Variants in PARD3B observed in about 807,000 individuals in gnomAD.
PARD3B encodes par-3 family cell polarity regulator beta, also known as partitioning defective 3 homolog B.
Under a neutral mutation model 130.2 loss-of-function variants are expected in PARD3B, and 103 were observed. The ratio of observed to expected loss-of-function variants is 0.79; its 90% CI spans 0.67 to 0.93. PARD3B has a LOEUF of 0.93. Ranked by LOEUF, PARD3B falls within the 40% of genes least tolerant of loss-of-function variation. The pLI, the probability that PARD3B is intolerant of heterozygous loss-of-function variation, is 0.00. For synonymous variants in PARD3B, 583 were observed against 553.2 expected (o/e 1.05, Z -0.76); for missense variants, 1,609 against 1,499.2 (o/e 1.07, Z -1.21).
intron 19 of PARD3B, among the ~76,000 whole-genome samples, chr2:205,428,944 G>C (rs967883313): frequency 6.6e-6 from 1 of 152,124 alleles, no homozygotes; most frequent in Non-Finnish European, 1.5e-5. Context: ...TTGGAGGAAT[G>C]ACTGCTTCCA....
chr2:205,474,366 CATATAAAATATATCAT>C (rs2048953708), intron 20 of PARD3B, among the ~76,000 whole-genome samples: 1 of 152,050 alleles, frequency 6.6e-6, no homozygotes, highest in African/African-American at 2.4e-5. Flanking sequence ...TTTATCACTG[CATATAAAATATATCAT>C]TTGTGCATGC....
chr2:205,348,281 G>C (rs1184749083), intron 18 of PARD3B: 1 of 152,222 alleles, frequency 6.6e-6, no homozygotes, highest in Admixed American at 6.5e-5. Flanking sequence ...CTTGTGCTTA[G>C]AACATTTTCC....
intron 18 of PARD3B, among the ~76,000 whole-genome samples, chr2:205,372,442 C>A (rs1170228152): frequency 6.6e-6 from 1 of 152,044 alleles, no homozygotes; most frequent in Non-Finnish European, 1.5e-5. Context: ...TGAATTTTTT[C>A]TCTTGTGCTC....
chr2:205,473,345 A>G lies in PARD3B; in HGVS notation c.3045-26551A>G, dbSNP rs2048905429. 1.3e-5 allele frequency among the ~76,000 whole-genome samples: 2 copies of G among 152,166 alleles called. No individual in the cohort carries two copies. The highest frequency in any genetic ancestry group is 2.1e-4 in the South Asian group (1 of 4,814). ...TTATGAAAAATATAAACAAACTTAA[A>G]ATTCTATTTATGATTCAGACAACCA... On this transcript the variant is annotated intron_variant, in intron 20 of 22. Transcript: ENST00000406610. This position sits in a 1 kb window ranked among gnomAD's most constrained non-coding sequence, Gnocchi z 4.9.
intron 22 of PARD3B, among the ~76,000 whole-genome samples, chr2:205,603,044 A>T (rs983461219): frequency 1.3e-5 from 2 of 152,190 alleles, no homozygotes; most frequent in Admixed American, 1.3e-4. Flanking sequence ...CATCCCAGAA[A>T]TTCTGCTGTG....
At position 205,182,550 on chromosome 2, in the gene PARD3B, C is replaced by T. The variant is rs929254656; in HGVS notation, c.1925-3214C>T. ...AAGAGGAACACGAGGAGAAAGTTAT[C>T]TACAGTCTAGTAAAAGAAATAGACA... On this transcript the variant is annotated intron_variant, in intron 13 of 22. Transcript: ENST00000406610. Among the ~76,000 whole-genome samples the T allele has an allele frequency of 5.3e-5, 8 of 152,108 alleles. No individual in the cohort carries two copies. The South Asian group carries it at 1.7e-3, about 32-fold the overall frequency.
chr2:204,694,231 A>G (rs2037503235), intron 2 of PARD3B, among the ~76,000 whole-genome samples: 1 of 152,058 alleles, frequency 6.6e-6, no homozygotes, highest in African/African-American at 2.4e-5. Flanking sequence ...CCCAGTCAAC[A>G]TTTGTAAATC....
chr2:204,985,614 C>T (rs1347518236), intron 3 of PARD3B, among the ~76,000 whole-genome samples: 3 of 152,130 alleles, frequency 2.0e-5, no homozygotes, highest in Non-Finnish European at 4.4e-5. Context: ...CATCTGCCGC[C>T]CTGACTTCTT....
intron 2 of PARD3B, among the ~76,000 whole-genome samples, chr2:204,961,410 G>T (rs1025818421): frequency 6.6e-6 from 1 of 152,130 alleles, no homozygotes; most frequent in African/African-American, 2.4e-5. Flanking sequence ...GCTACAAGGT[G>T]TTTGGCCTGA....
rs909191596 is a variant in PARD3B, at chr2:205,280,518, G to A, written c.2186-20012G>A. Among the ~76,000 whole-genome samples, 1 of 152,154 alleles carries A rather than the reference G, an allele frequency of 6.6e-6. No individual in the cohort carries two copies. The highest frequency in any genetic ancestry group is 1.5e-5 in the Non-Finnish European group (1 of 68,014). On this transcript the variant is annotated intron_variant, in intron 16 of 22. Coordinates refer to ENST00000406610, the MANE Select transcript of PARD3B (RefSeq NM_001302769.2). This position sits in a 1 kb window ranked among gnomAD's most constrained non-coding sequence, Gnocchi z 4.7. ...AAAGGAACTATTGAAAACCTTTTCTGTTTCCTTCTCTTTTTTCTTAAGGGA... is the reference window on the plus strand; with the variant it reads ...AAAGGAACTATTGAAAACCTTTTCTATTTCCTTCTCTTTTTTCTTAAGGGA...
chr2:204,555,664 A>G (rs2030872497), intron 1 of PARD3B, among the ~76,000 whole-genome samples: 1 of 151,794 alleles, frequency 6.6e-6, no homozygotes, highest in South Asian at 2.1e-4. Flanking sequence ...CCTATATTTG[A>G]CCTCTCTGAC....
intron 10 of PARD3B, among the ~76,000 whole-genome samples, chr2:205,135,069 G>A (rs150312181): frequency 2.6e-5 from 4 of 152,124 alleles, no homozygotes; most frequent in African/African-American, 7.2e-5. Context: ...TGGCGACTGT[G>A]GCTATGATTA....
intron 13 of PARD3B, among the ~76,000 whole-genome samples, chr2:205,182,572 G>A (rs2035854911): frequency 6.6e-6 from 1 of 152,028 alleles, no homozygotes. Flanking sequence ...AAAAGAAATA[G>A]ACATAGATAA....
chr2:204,856,228 AAT>A (rs1196522225), intron 2 of PARD3B, among the ~76,000 whole-genome samples: 1 of 152,126 alleles, frequency 6.6e-6, no homozygotes, highest in Non-Finnish European at 1.5e-5. Context: ...TCTTTTTTGT[AAT>A]AGTCATTCTA....
intron 21 of PARD3B, among the ~76,000 whole-genome samples, chr2:205,522,353 C>CA (rs1423763789): frequency 3.9e-3 from 598 of 151,546 alleles, no homozygotes; most frequent in African/African-American, 0.014. Context: ...TTTATATGAT[C>CA]TTTAAATCAA....
chr2:205,151,416 T>C (rs2033749084), intron 10 of PARD3B, among the ~76,000 whole-genome samples: 1 of 152,196 alleles, frequency 6.6e-6, no homozygotes, highest in South Asian at 2.1e-4. Context: ...TGTAGGTCCC[T>C]AAGGACTTGC....
At chr2:205,444,728 C>T (rs2047845287) in intron 20 of PARD3B, among the ~76,000 whole-genome samples, 1 of 152,120 alleles carries the variant, frequency 6.6e-6, no homozygotes, top group South Asian at 2.1e-4. Flanking sequence ...AGGACAGGAG[C>T]TTGAAATAAG....
rs1340218794 is a variant in PARD3B at position 205,172,226 on chromosome 2, A to G, written c.1636A>G (p.Met546Val). ...TCTGCCTTAGGATGGTCGTCTGCGA[A>G]TGAATGACCAGCTGATTGCAGTTAA... is the stretch of plus-strand genomic sequence containing the variant. The part of the protein sequence containing the change: ...GAAFKDGRLR[M>V]NDQLIAVNGE... The change falls in exon 12 of 23, where the codon ATG becomes GTG. Residue 546 changes from methionine to valine, a missense_variant. Physicochemically the swap from Met to Val is conservative, Grantham distance 21. Coordinates refer to ENST00000406610, the MANE Select transcript of PARD3B (RefSeq NM_001302769.2). 1 of 1,614,132 alleles carries G rather than the reference A, an allele frequency of 6.2e-7. No individual in the cohort carries two copies. Among genetic ancestry groups the G allele is most frequent in the Non-Finnish European group, 8.5e-7 (1 of 1,180,004 alleles).
At chr2:205,327,323 T>G (rs2042970412) in intron 18 of PARD3B, among the ~76,000 whole-genome samples, 1 of 152,220 alleles carries the variant, frequency 6.6e-6, no homozygotes, top group African/African-American at 2.4e-5. Context: ...GGGACACACC[T>G]GTTCCTAATG....
Sources: allele counts gnomAD v4.1 joint callset (sites outside exome capture counted in the v4.1 genomes callset), GRCh38; gene constraint gnomAD v4.1.1; non-coding constraint Gnocchi (gnomAD v3.1); transcripts MANE v1.5; gene names NCBI Gene and HGNC (gene_info 2026-07-23, HGNC 2026-07-21).